Variants in FBN2 observed in about 807,000 individuals in gnomAD.
FBN2 encodes the protein fibrillin-2.
Under a neutral mutation model 355.6 loss-of-function variants are expected in FBN2, and 105 were observed. That is an observed-to-expected ratio of 0.30 (90% CI 0.25 to 0.35). The LOEUF is 0.35. FBN2 is among the 10% of genes least tolerant of loss of function. The pLI, the probability that FBN2 is intolerant of heterozygous loss-of-function variation, is 1.00. For synonymous variants in FBN2, 1,350 were observed against 1,301.2 expected (o/e 1.04, Z -0.81); for missense variants, 3,280 against 3,758.7 (o/e 0.87, Z 3.33).
intron 36 of FBN2, among the ~76,000 whole-genome samples, chr5:128,313,289 G>C (rs1581209018): frequency 1.3e-5 from 2 of 152,208 alleles, no homozygotes; most frequent in East Asian, 3.9e-4. Flanking sequence ...TCACTCCATT[G>C]AGTCTATGGG....
At chr5:128,442,203 C>G (rs984920005) in intron 7 of FBN2, 2 of 407,724 alleles carry the variant, frequency 4.9e-6, no homozygotes, top group Non-Finnish European at 9.7e-6. Context: ...AACTATCTGC[C>G]ACATAAAGAG....
intron 6 of FBN2, among the ~76,000 whole-genome samples, chr5:128,456,759 A>G (rs1347006471): frequency 6.6e-6 from 1 of 152,198 alleles, no homozygotes; most frequent in Non-Finnish European, 1.5e-5. Context: ...CAACAGCATC[A>G]ACAGCAATAA....
Position 128,387,231 on chromosome 5 carries a change from G to C in FBN2, c.1603+4787C>G, listed in dbSNP as rs143355757. 8.6e-5 allele frequency among the ~76,000 whole-genome samples: 13 copies of C among 152,032 alleles called. No homozygotes were observed. In the East Asian group the frequency reaches 2.1e-3, roughly 25 times the overall value. On this transcript the variant is annotated intron_variant, in intron 11 of 64. Transcript: ENST00000262464. ...AAGTTTTCTAGTTTGTGTGCACAGA[G>C]GTATTTTTAAGGTTTTCTAGTTTGT...
At chr5:128,377,348 A>G (rs1752104130) in intron 13 of FBN2, among the ~76,000 whole-genome samples, 1 of 152,140 alleles carries the variant, frequency 6.6e-6, no homozygotes, top group African/African-American at 2.4e-5. Flanking sequence ...AAACATTTTT[A>G]TATTCCTCCA....
chr5:128,376,701 G>T (rs1335644345), intron 14 of FBN2, 30 bp downstream of exon 14: 1 of 1,612,854 alleles, frequency 6.2e-7, no homozygotes. Context: ...TTCAATCATG[G>T]TCACTTTCCT....
At chr5:128,478,126 C>T (rs1041658254) in intron 5 of FBN2, among the ~76,000 whole-genome samples, 1 of 152,172 alleles carries the variant, frequency 6.6e-6, no homozygotes, top group African/African-American at 2.4e-5. Flanking sequence ...CAAATCTTAT[C>T]GGCATTTAGC....
chr5:128,371,448 CTCTT>C (rs1170133232), intron 15 of FBN2, among the ~76,000 whole-genome samples: 16 of 151,838 alleles, frequency 1.1e-4, no homozygotes, highest in Admixed American at 1.1e-3. Flanking sequence ...TCTTTTCTTT[CTCTT>C]TTTCTCCTTC....
chr5:128,261,436 A>T (rs1447218010), intron 64 of FBN2, among the ~76,000 whole-genome samples: 5 of 152,216 alleles, frequency 3.3e-5, no homozygotes, highest in African/African-American at 1.2e-4. Context: ...TCATTTTTTG[A>T]ATCATGTAAA....
intron 11 of FBN2, among the ~76,000 whole-genome samples, chr5:128,383,322 A>C (rs1752282857): frequency 1.3e-5 from 2 of 152,156 alleles, no homozygotes; most frequent in African/African-American, 4.8e-5. Flanking sequence ...ATATTAAAAA[A>C]AATGAATTCA....
rs1186846965 is a variant in FBN2 at position 128,519,156 on chromosome 5, C to T, written c.628+117G>A. 5 of 774,888 alleles carry T rather than the reference C, an allele frequency of 6.5e-6. No homozygotes were observed. In the Admixed American group the frequency reaches 8.3e-5, roughly 13 times the overall value. 48.0% of individuals were successfully genotyped at this position (774,888 alleles called of 1,614,324 possible). A position where few individuals can be genotyped will look rare whatever the true frequency, so the allele number is the denominator to read the frequency against. On this transcript the variant is annotated intron_variant, in intron 5 of 64. Transcript: ENST00000262464. ...TTACCATTCAACTTAGAGACATAAT[C>T]AAAGAAGAGTAAAAATATAATTTCA...
chr5:128,301,291 TTAA>T (rs1430596376), intron 47 of FBN2, 88 bp downstream of exon 47: 2 of 1,166,850 alleles, frequency 1.7e-6, no homozygotes, highest in African/African-American at 3.0e-5. Context: ...AAATGAAATA[TTAA>T]TGAGTTCTTA....
At chr5:128,424,262 G>A (rs532674124) in intron 7 of FBN2, among the ~76,000 whole-genome samples, 1 of 152,074 alleles carries the variant, frequency 6.6e-6, no homozygotes, top group African/African-American at 2.4e-5. Flanking sequence ...AAATGCAAAA[G>A]GTCCATCTGG....
At chr5:128,265,929 T>C (rs1383195183) in intron 62 of FBN2, among the ~76,000 whole-genome samples, 1 of 152,212 alleles carries the variant, frequency 6.6e-6, no homozygotes, top group African/African-American at 2.4e-5. Context: ...CTGACGAGGA[T>C]TCCGGGGGAA....
At chr5:128,302,048 A>G (rs541383404) in intron 46 of FBN2, among the ~76,000 whole-genome samples, 2 of 152,210 alleles carry the variant, frequency 1.3e-5, no homozygotes, top group South Asian at 4.2e-4. Context: ...GTTCTCCCTG[A>G]CTGTACAAAG....
intron 20 of FBN2, among the ~76,000 whole-genome samples, chr5:128,354,832 G>C (rs1352967577): frequency 6.6e-6 from 1 of 152,172 alleles, no homozygotes; most frequent in Non-Finnish European, 1.5e-5. Context: ...TTAGACATGG[G>C]AATTTGAGAT....
intron 50 of FBN2, 54 bp from the exon 51 acceptor site, chr5:128,290,001 A>C: frequency 9.7e-7 from 1 of 1,034,932 alleles, no homozygotes; most frequent in South Asian, 1.3e-5. Flanking sequence ...TTATCAAAGA[A>C]CTTAAGAAAG....
Position 128,308,335 on chromosome 5 carries a change from A to G in FBN2, c.5353+912T>C, listed in dbSNP as rs111341286. Reference sequence around the variant, plus strand: ...TGTAGGAATGTTTCTATTTAATTTTATGGAACATAATAATGGCAAGATAAG... The same window carrying G: ...TGTAGGAATGTTTCTATTTAATTTTGTGGAACATAATAATGGCAAGATAAG... On this transcript the variant is annotated intron_variant, in intron 41 of 64. Coordinates refer to ENST00000262464, the MANE Select transcript of FBN2 (RefSeq NM_001999.4). 9.3e-4 allele frequency among the ~76,000 whole-genome samples: 142 copies of G among 152,286 alleles called. 2 individuals carry two copies. Among genetic ancestry groups the G allele is most frequent in the Middle Eastern group, 6.8e-3 (2 of 294 alleles).
intron 34 of FBN2, among the ~76,000 whole-genome samples, chr5:128,320,406 G>T (rs1336751692): frequency 6.6e-6 from 1 of 151,932 alleles, no homozygotes; most frequent in Non-Finnish European, 1.5e-5. Context: ...CAGAGACAGG[G>T]TCTCCCTATG....
At chr5:128,481,301 T>C (rs1206317922) in intron 5 of FBN2, among the ~76,000 whole-genome samples, 1 of 152,238 alleles carries the variant, frequency 6.6e-6, no homozygotes, top group Non-Finnish European at 1.5e-5. Context: ...TTAGCCTTTA[T>C]TCCAGCAGTA....
Sources: gnomAD v4.1 joint callset for allele counts (sites outside exome capture counted in the v4.1 genomes callset) on GRCh38, gnomAD v4.1.1 for gene constraint, MANE v1.5 for transcripts, NCBI Gene and HGNC (gene_info 2026-07-23, HGNC 2026-07-21) for gene names.